CCSER1: variants seen among roughly 807,000 people sequenced by gnomAD.
The protein encoded by CCSER1 is coiled-coil serine rich protein 1.
A neutral mutation model predicts 82.0 loss-of-function variants in CCSER1; 41 were observed. That is an observed-to-expected ratio of 0.50 (90% CI 0.39 to 0.65). The LOEUF (loss-of-function observed/expected upper bound fraction) is 0.65, where lower values mean the gene tolerates loss of function less well. Ranked by LOEUF, CCSER1 falls within the 30% of genes least tolerant of loss-of-function variation. The probability of loss-of-function intolerance (pLI) is 0.00; values close to 1 mark genes in which losing one functional copy is unlikely to be tolerated. For missense variants in CCSER1, 1,119 were observed against 1,064.2 expected (o/e 1.05, Z -0.72); for synonymous variants, 414 against 383.9 (o/e 1.08, Z -0.92).
At chr4:90,427,775 A>G (rs980354266) in intron 4 of CCSER1, among the ~76,000 whole-genome samples, 1 of 151,756 alleles carries the variant, frequency 6.6e-6, no homozygotes, top group Non-Finnish European at 1.5e-5. Context: ...ATATATATTT[A>G]TATGTGCTAA....
intron 1 of CCSER1, among the ~76,000 whole-genome samples, chr4:90,291,399 C>T (rs1730923037): frequency 6.6e-6 from 1 of 152,046 alleles, no homozygotes; most frequent in Admixed American, 6.6e-5. Context: ...AAAATCCCCA[C>T]TTAGTGGCCA....
At chr4:91,063,951 AT>A in intron 9 of CCSER1, among the ~76,000 whole-genome samples, 1 of 152,260 alleles carries the variant, frequency 6.6e-6, no homozygotes, top group South Asian at 2.1e-4. Flanking sequence ...ATCCTGTAAT[AT>A]TTTCTTTCTA....
chr4:91,251,779 C>T (rs1740278589), intron 10 of CCSER1, among the ~76,000 whole-genome samples: 1 of 152,068 alleles, frequency 6.6e-6, no homozygotes, highest in South Asian at 2.1e-4. Context: ...CACATATATG[C>T]CACATAATAA....
intron 10 of CCSER1, among the ~76,000 whole-genome samples, chr4:91,265,762 G>A (rs370384610): frequency 6.6e-6 from 1 of 152,182 alleles, no homozygotes; most frequent in African/African-American, 2.4e-5. Context: ...AAACTATGTT[G>A]AATACTTTAG....
At chr4:90,828,996 T>A (rs1760814198) in intron 8 of CCSER1, among the ~76,000 whole-genome samples, 1 of 152,052 alleles carries the variant, frequency 6.6e-6, no homozygotes, top group Non-Finnish European at 1.5e-5. Flanking sequence ...TGTGGGGATG[T>A]CACCTAGGAA....
chr4:90,945,668 A>G (rs1453524698), intron 9 of CCSER1, among the ~76,000 whole-genome samples: 1 of 152,184 alleles, frequency 6.6e-6, no homozygotes, highest in Non-Finnish European at 1.5e-5. Context: ...TTAGTGCCCG[A>G]ACCGCTAATG....
intron 10 of CCSER1, among the ~76,000 whole-genome samples, chr4:91,139,260 C>A (rs985015644): frequency 6.6e-6 from 1 of 151,036 alleles, no homozygotes; most frequent in African/African-American, 2.5e-5. Context: ...TGTATATGTA[C>A]CACATTTTTT....
intron 6 of CCSER1, among the ~76,000 whole-genome samples, chr4:90,652,439 C>T (rs1259072797): frequency 6.6e-6 from 1 of 152,074 alleles, no homozygotes; most frequent in Non-Finnish European, 1.5e-5. Flanking sequence ...ACTTTTGAGT[C>T]AGAGAATCAG....
intron 3 of CCSER1, among the ~76,000 whole-genome samples, chr4:90,375,950 C>T (rs1272116018): frequency 1.3e-5 from 2 of 152,168 alleles, no homozygotes; most frequent in African/African-American, 2.4e-5. Context: ...GAGGCACTGC[C>T]AGCTTGACCT....
intron 9 of CCSER1, among the ~76,000 whole-genome samples, chr4:90,940,528 A>G (rs1731467391): frequency 6.6e-6 from 1 of 152,144 alleles, no homozygotes; most frequent in Non-Finnish European, 1.5e-5. Flanking sequence ...TGAAATTAAA[A>G]TAGGGATTAA....
chr4:90,159,795 T>A (rs1430975272), intron 1 of CCSER1, among the ~76,000 whole-genome samples: 1 of 152,226 alleles, frequency 6.6e-6, no homozygotes, highest in African/African-American at 2.4e-5. Context: ...GACATACAGA[T>A]TGACATATTT....
In CCSER1 at chr4:91,524,875, G is replaced by A. The variant is rs147070152; in HGVS notation, c.2218-73697G>A. On this transcript the variant is annotated intron_variant, in intron 10 of 10. Transcript: ENST00000509176. ...CAAAGAGATCTGTTCTTATCACATAGGACATAGTATTTCCAGGGCTCTTCT... is the reference window on the plus strand; with the variant it reads ...CAAAGAGATCTGTTCTTATCACATAAGACATAGTATTTCCAGGGCTCTTCT... Among the ~76,000 whole-genome samples, 50 of 152,208 alleles carry A rather than the reference G, an allele frequency of 3.3e-4. No homozygotes were observed. The East Asian group carries it at 9.5e-3, about 29-fold the overall frequency.
chr4:90,255,561 A>T (rs181876928), intron 1 of CCSER1, among the ~76,000 whole-genome samples: 1 of 152,294 alleles, frequency 6.6e-6, no homozygotes, highest in Non-Finnish European at 1.5e-5. Flanking sequence ...AAAAATTTAT[A>T]TGTTCACAAA....
chr4:90,820,939 A>AAT (rs1759650521), intron 8 of CCSER1, among the ~76,000 whole-genome samples: 1 of 152,052 alleles, frequency 6.6e-6, no homozygotes, highest in South Asian at 2.1e-4. Flanking sequence ...TTTAATAACA[A>AAT]ATATATTACT....
chr4:91,595,404 G>A (rs527997311), intron 10 of CCSER1, among the ~76,000 whole-genome samples: 19 of 152,248 alleles, frequency 1.2e-4, no homozygotes, highest in African/African-American at 4.3e-4. Flanking sequence ...TCTAGAGAAA[G>A]TGACTTTCTT....
At chr4:91,140,572 T>C (rs1728929010) in intron 10 of CCSER1, among the ~76,000 whole-genome samples, 1 of 152,146 alleles carries the variant, frequency 6.6e-6, no homozygotes, top group Admixed American at 6.6e-5. Context: ...TATTAATTCA[T>C]TATGTTTTAT....
intron 10 of CCSER1, among the ~76,000 whole-genome samples, chr4:91,480,620 A>G (rs1757858217): frequency 6.6e-6 from 1 of 152,200 alleles, no homozygotes; most frequent in African/African-American, 2.4e-5. Flanking sequence ...GTTTTGCAAG[A>G]GCACTTCACA....
intron 1 of CCSER1, among the ~76,000 whole-genome samples, chr4:90,216,952 A>T (rs138173142): frequency 4.6e-5 from 7 of 152,046 alleles, no homozygotes; most frequent in Admixed American, 4.6e-4. Flanking sequence ...GTCATCTGTG[A>T]TTTCTTTTAG....
Position 90,410,581 on chromosome 4 carries a change from C to T in CCSER1, c.1603+10452C>T, listed in dbSNP as rs1373935679. 5.3e-4 allele frequency among the ~76,000 whole-genome samples: 81 copies of T among 152,142 alleles called. 1 individual carries two copies. Among genetic ancestry groups the T allele is most frequent in the East Asian group, 1.9e-4 (1 of 5,172 alleles). ...AAATAAAGATGTTCTTTGAAACCAACGAGAACAAAGACACAACATACGAGC... is the reference window on the plus strand; with the variant it reads ...AAATAAAGATGTTCTTTGAAACCAATGAGAACAAAGACACAACATACGAGC... On this transcript the variant is annotated intron_variant, in intron 4 of 10. Transcript: ENST00000509176.
Sources: gnomAD v4.1 joint callset for allele counts (sites outside exome capture counted in the v4.1 genomes callset) on GRCh38, gnomAD v4.1.1 for gene constraint, MANE v1.5 for transcripts, NCBI Gene and HGNC (gene_info 2026-07-23, HGNC 2026-07-21) for gene names.